Variants in JMJD1C observed in about 807,000 individuals in gnomAD.
JMJD1C encodes jumonji domain-containing protein 1C.
A neutral mutation model predicts 245.3 loss-of-function variants in JMJD1C; 31 were observed. The observed-to-expected ratio is 0.13, with a 90% CI of 0.09 to 0.17. The LOEUF is 0.17. Ranked by LOEUF, JMJD1C falls within the 10% of genes least tolerant of loss-of-function variation. JMJD1C has a pLI of 1.00. For missense variants in JMJD1C, 2,691 were observed against 3,000.2 expected, an observed-to-expected ratio of 0.90 and a Z score of 2.41; for synonymous variants, 1,057 against 1,017.4, an observed-to-expected ratio of 1.04 and a Z score of -0.74.
intron 10 of JMJD1C, among the ~76,000 whole-genome samples, chr10:63,201,766 C>A (rs1342650479): frequency 4.0e-5 from 6 of 151,716 alleles, no homozygotes; most frequent in African/African-American, 1.5e-4. Flanking sequence ...CCCGTCTCTA[C>A]TAAAATACAA....
intron 18 of JMJD1C, 96 bp from the exon 19 acceptor site, chr10:63,186,479 C>T: frequency 9.6e-7 from 1 of 1,040,444 alleles, no homozygotes; most frequent in South Asian, 1.8e-5. Context: ...TGCTCTCTTA[C>T]CCAGGCTGGA....
intron 17 of JMJD1C, among the ~76,000 whole-genome samples, chr10:63,190,261 G>A (rs1017709490): frequency 1.3e-5 from 2 of 152,164 alleles, no homozygotes; most frequent in Non-Finnish European, 2.9e-5. Flanking sequence ...CTGGAGTGTA[G>A]TGGCGTGATC....
intron 1 of JMJD1C, among the ~76,000 whole-genome samples, chr10:63,521,167 G>GGGGCCA (rs1229164154): frequency 4.6e-5 from 7 of 152,142 alleles, no homozygotes; most frequent in Non-Finnish European, 8.8e-5. Context: ...TTAGAGCGCA[G>GGGGCCA]GGGCCAAGGC....
intron 1 of JMJD1C, among the ~76,000 whole-genome samples, chr10:63,454,981 A>C (rs1307602962): frequency 6.6e-6 from 1 of 152,178 alleles, no homozygotes; most frequent in Non-Finnish European, 1.5e-5. Context: ...GTATCGCAAC[A>C]CCTATAACGT....
At chr10:63,248,211 C>T (rs1254249399) in intron 3 of JMJD1C, among the ~76,000 whole-genome samples, 3 of 151,972 alleles carry the variant, frequency 2.0e-5, no homozygotes, top group Admixed American at 6.6e-5. Context: ...ACCTGTAATC[C>T]CAGCACTTTG....
chr10:63,318,676 T>A (rs1401128294), intron 2 of JMJD1C, among the ~76,000 whole-genome samples: 47 of 148,066 alleles, frequency 3.2e-4, no homozygotes, highest in East Asian at 3.9e-4. Context: ...AACTGGAATT[T>A]AAAAAAAAAA....
intron 1 of JMJD1C, among the ~76,000 whole-genome samples, chr10:63,409,413 T>C (rs1949357961): frequency 6.6e-6 from 1 of 152,198 alleles, no homozygotes; most frequent in Admixed American, 6.5e-5. Flanking sequence ...CCTATTTATG[T>C]GTTTCCTTAA....
chr10:63,232,646 T>C (rs1850165248), intron 3 of JMJD1C, among the ~76,000 whole-genome samples: 1 of 152,164 alleles, frequency 6.6e-6, no homozygotes, highest in Non-Finnish European at 1.5e-5. Flanking sequence ...TGGCATTGCT[T>C]GCAACTACTT....
chr10:63,272,497 C>A (rs1437511639), intron 2 of JMJD1C, among the ~76,000 whole-genome samples: 1 of 152,164 alleles, frequency 6.6e-6, no homozygotes, highest in African/African-American at 2.4e-5. Flanking sequence ...GTGATCCACC[C>A]GCCTCGGCCT....
intron 2 of JMJD1C, among the ~76,000 whole-genome samples, chr10:63,320,434 TACATTTAAGCAA>T (rs1389751862): frequency 6.6e-6 from 1 of 152,160 alleles, no homozygotes; most frequent in Non-Finnish European, 1.5e-5. Context: ...TCTAGGAAAA[TACATTTAAGCAA>T]TGTATATAGA....
chr10:63,409,797 T>C (rs1334924284), intron 1 of JMJD1C, among the ~76,000 whole-genome samples: 2 of 152,170 alleles, frequency 1.3e-5, no homozygotes, highest in Non-Finnish European at 2.9e-5. Flanking sequence ...CTTTCATAGA[T>C]GCCTGAGGTC....
intron 1 of JMJD1C, among the ~76,000 whole-genome samples, chr10:63,481,311 C>T (rs916820054): frequency 3.3e-5 from 5 of 152,110 alleles, no homozygotes; most frequent in African/African-American, 9.6e-5. Flanking sequence ...TTGGAAATTA[C>T]GGTGATATTA....
intron 1 of JMJD1C, among the ~76,000 whole-genome samples, chr10:63,464,803 C>G (rs1953076479): frequency 6.6e-6 from 1 of 152,082 alleles, no homozygotes; most frequent in African/African-American, 2.4e-5. Context: ...AGCTTGACTC[C>G]AAAGAACTAT....
chr10:63,191,195 G>A, intron 16 of JMJD1C, 87 bp from the exon 17 acceptor site: 2 of 1,007,756 alleles, frequency 2.0e-6, no homozygotes, highest in South Asian at 2.8e-5. Context: ...GCAGTGGCGT[G>A]ACCTCGGCTC....
chr10:63,262,529 G>A (rs1461369728), intron 3 of JMJD1C, among the ~76,000 whole-genome samples: 3 of 152,080 alleles, frequency 2.0e-5, no homozygotes, highest in Admixed American at 6.6e-5. Flanking sequence ...AAATTCGTAA[G>A]AAATTCTAAA....
At chr10:63,192,781 CA>C (rs1425152943) in intron 16 of JMJD1C, among the ~76,000 whole-genome samples, 156 bp downstream of exon 16, 2 of 151,986 alleles carry the variant, frequency 1.3e-5, no homozygotes, top group Non-Finnish European at 2.9e-5. Flanking sequence ...TAAGTGAAGA[CA>C]AAATGTTTTA....
intron 3 of JMJD1C, among the ~76,000 whole-genome samples, chr10:63,231,090 T>C (rs1176921614): frequency 6.6e-6 from 1 of 152,176 alleles, no homozygotes; most frequent in African/African-American, 2.4e-5. Flanking sequence ...CAAACATGAA[T>C]ATTTTAGAGC....
At chr10:63,497,036 T>A (rs1422887548) in intron 1 of JMJD1C, among the ~76,000 whole-genome samples, 3 of 152,178 alleles carry the variant, frequency 2.0e-5, no homozygotes, top group Non-Finnish European at 4.4e-5. Context: ...TCCGAACATG[T>A]TAGTGCAGCA....
chr10:63,511,246 T>C (rs1315220473), intron 1 of JMJD1C, among the ~76,000 whole-genome samples: 1 of 152,218 alleles, frequency 6.6e-6, no homozygotes, highest in Non-Finnish European at 1.5e-5. Flanking sequence ...TGTTCCTATT[T>C]CCGTCTTTTA....
Sources: gnomAD v4.1 joint callset for allele counts (sites outside exome capture counted in the v4.1 genomes callset) on GRCh38, gnomAD v4.1.1 for gene constraint, MANE v1.5 for transcripts, NCBI Gene and HGNC (gene_info 2026-07-23, HGNC 2026-07-21) for gene names.